RBM26: variants seen among roughly 807,000 people sequenced by gnomAD.
RBM26 encodes RNA binding motif protein 26, also known as RNA-binding protein 26.
Under a neutral mutation model 123.6 loss-of-function variants are expected in RBM26, and 30 were observed. The observed-to-expected ratio is 0.24, with a 90% CI of 0.18 to 0.33. The LOEUF (loss-of-function observed/expected upper bound fraction) is 0.33, where lower values mean the gene tolerates loss of function less well. Ranked by LOEUF, RBM26 falls within the 10% of genes least tolerant of loss-of-function variation. The pLI, the probability that RBM26 is intolerant of heterozygous loss-of-function variation, is 1.00. For synonymous variants in RBM26, 400 were observed against 404.4 expected (o/e 0.99, Z 0.13); for missense variants, 947 against 1,203.6 (o/e 0.79, Z 3.15).
intron 16 of RBM26, 118 bp downstream of exon 16, chr13:79,344,130 A>G (rs1325747985): frequency 8.1e-6 from 6 of 738,042 alleles, no homozygotes; most frequent in Non-Finnish European, 7.4e-6. Context: ...TCACTGACAA[A>G]TATTTGTTTT....
intron 1 of RBM26, among the ~76,000 whole-genome samples, chr13:79,403,961 A>G (rs1329077406): frequency 1.3e-5 from 2 of 152,124 alleles, no homozygotes; most frequent in Non-Finnish European, 2.9e-5. Flanking sequence ...CATAAAGCCC[A>G]GTTTTCCTCC....
At chr13:79,371,722 C>G (rs903455448) in intron 4 of RBM26, 120 bp downstream of exon 4, 1 of 682,742 alleles carries the variant, frequency 1.5e-6, no homozygotes, top group South Asian at 1.9e-5. Flanking sequence ...GTTATATTTT[C>G]CTAGACCAAT....
chr13:79,351,749 G>C (rs2073267418), intron 14 of RBM26, among the ~76,000 whole-genome samples: 2 of 152,164 alleles, frequency 1.3e-5, no homozygotes, highest in Non-Finnish European at 2.9e-5. Context: ...CAGAATTATT[G>C]AGTTATCGAT....
intron 14 of RBM26, 64 bp from the exon 15 acceptor site, chr13:79,344,858 A>G (rs2072044804): frequency 2.0e-6 from 3 of 1,524,114 alleles, no homozygotes; most frequent in African/African-American, 2.8e-5. Context: ...TATTTTCTAT[A>G]AGACTCAACT....
intron 1 of RBM26, 77 bp downstream of exon 1, chr13:79,405,627 G>A (rs1486799154): frequency 6.8e-6 from 7 of 1,027,790 alleles, no homozygotes; most frequent in African/African-American, 1.6e-5. Flanking sequence ...GCAGGCACTT[G>A]GGGAAACTGC....
intron 20 of RBM26, among the ~76,000 whole-genome samples, chr13:79,327,719 T>C (rs867698150): frequency 6.6e-6 from 1 of 152,030 alleles, no homozygotes; most frequent in South Asian, 2.1e-4. Context: ...AATAAAAAGA[T>C]GAATTATTAT....
intron 12 of RBM26, among the ~76,000 whole-genome samples, 169 bp from the exon 13 acceptor site, chr13:79,354,739 T>C (rs900400827): frequency 2.0e-5 from 3 of 152,256 alleles, no homozygotes; most frequent in African/African-American, 7.2e-5. Context: ...AAAGATGTTT[T>C]CTTTGCATAA....
intron 13 of RBM26, 133 bp downstream of exon 13, chr13:79,354,306 G>C (rs1594241033): frequency 1.5e-6 from 1 of 673,972 alleles, no homozygotes; most frequent in East Asian, 3.4e-5. Context: ...CAACCTTATA[G>C]GTGGGGTTCA....
At chr13:79,365,968 C>T in intron 8 of RBM26, 87 bp downstream of exon 8, 1 of 1,305,080 alleles carries the variant, frequency 7.7e-7, no homozygotes, top group Non-Finnish European at 1.1e-6. Context: ...AAAAGTAGTC[C>T]TCACAGAGCA....
chr13:79,342,956 G>A (rs926114015), intron 16 of RBM26, 125 bp from the exon 17 acceptor site: 6 of 580,288 alleles, frequency 1.0e-5, no homozygotes, highest in Non-Finnish European at 1.8e-5. Flanking sequence ...TTCGTGAGAA[G>A]GCTAACAACC....
chr13:79,375,131 AAAAT>A (rs1385111548), intron 3 of RBM26, among the ~76,000 whole-genome samples: 300 of 59,556 alleles, frequency 5.0e-3, no homozygotes, highest in Non-Finnish European at 8.4e-3. Context: ...TTATATTTTA[AAAAT>A]AAATAATATA....
At chr13:79,357,826 T>C (rs1594281117) in intron 11 of RBM26, among the ~76,000 whole-genome samples, 2 of 152,336 alleles carry the variant, frequency 1.3e-5, no homozygotes, top group African/African-American at 4.8e-5. Context: ...AATTGTATTT[T>C]TTCCTAAAAG....
chr13:79,345,541 C>T (rs923210753), intron 14 of RBM26, among the ~76,000 whole-genome samples: 1 of 152,062 alleles, frequency 6.6e-6, no homozygotes, highest in Non-Finnish European at 1.5e-5. Flanking sequence ...CCTTTCTCTT[C>T]TGCGCATCTT....
At position 79,366,038 on chromosome 13, in the gene RBM26, A is replaced by T; in HGVS notation, c.1276+17T>A. The T allele has an allele frequency of 6.2e-7, 1 of 1,610,678 alleles. No homozygotes were observed. On this transcript the variant is annotated intron_variant, in intron 8 of 21. Transcript: ENST00000438737. ...AACTGTGTTACATTACGAATATAAA[A>T]AGGGCCAAAACTGCACCTGCAGTAA...
In RBM26 at chr13:79,356,876, T is replaced by A. The variant is rs539953635; in HGVS notation, c.1689+1398A>T. Among the ~76,000 whole-genome samples, 6 of 152,242 alleles carry A rather than the reference T, an allele frequency of 3.9e-5. No homozygotes were observed. The East Asian group carries it at 1.2e-3, about 29-fold the overall frequency. On this transcript the variant is annotated intron_variant, in intron 11 of 21. Coordinates refer to ENST00000438737, the MANE Select transcript of RBM26 (RefSeq NM_001366735.2). The stretch of plus-strand genomic sequence containing the variant: ...TTTTGCCCCTCAGCTTTAAAAAAAA[T>A]TTTAAATATTACCAGTGTAGTTAAT...
At chr13:79,354,600 T>C (rs767248700) in intron 12 of RBM26, 30 bp from the exon 13 acceptor site, 9 of 1,543,804 alleles carry the variant, frequency 5.8e-6, no homozygotes, top group South Asian at 2.5e-5. Flanking sequence ...GTTAAACAAG[T>C]TGATTCATTC....
At chr13:79,337,413 A>T (rs932183772) in intron 18 of RBM26, 111 bp from the exon 19 acceptor site, 20 of 1,211,760 alleles carry the variant, frequency 1.7e-5, no homozygotes, top group Non-Finnish European at 2.0e-5. Flanking sequence ...AATGTATTCA[A>T]ATGCCCTATA....
chr13:79,325,322 C>T (rs774543139), intron 20 of RBM26, among the ~76,000 whole-genome samples: 3 of 151,998 alleles, frequency 2.0e-5, no homozygotes, highest in Admixed American at 1.3e-4. Flanking sequence ...GAACTGTTAT[C>T]GTAGGCCTCA....
In RBM26 at chr13:79,339,010, T is replaced by C. The variant is rs897939440; in HGVS notation, c.2533-1708A>G. On this transcript the variant is annotated intron_variant, in intron 18 of 21. Coordinates refer to ENST00000438737, the MANE Select transcript of RBM26 (RefSeq NM_001366735.2). ...AAGATGTTGAGTCTTAGATGTGAGA[T>C]ACCCAAATGGAAGTGTGAAGCAGGC... 5.9e-5 allele frequency among the ~76,000 whole-genome samples: 9 copies of C among 152,192 alleles called. 1 individual carries two copies. Among genetic ancestry groups the C allele is most frequent in the Admixed American group, 5.9e-4 (9 of 15,284 alleles).
Sources: gnomAD v4.1 joint callset for allele counts (sites outside exome capture counted in the v4.1 genomes callset) on GRCh38, gnomAD v4.1.1 for gene constraint, MANE v1.5 for transcripts, NCBI Gene and HGNC (gene_info 2026-07-23, HGNC 2026-07-21) for gene names.